The following SND1 variants were observed in gnomAD, a reference collection of about 807,000 sequenced individuals.
SND1 encodes the protein staphylococcal nuclease domain-containing protein 1.
SND1 carries 38 observed loss-of-function variants against 121.7 expected under a neutral mutation model. The ratio of observed to expected loss-of-function variants is 0.31; its 90% CI spans 0.24 to 0.41. The LOEUF is 0.41. Ranked by LOEUF, SND1 falls within the 10% of genes least tolerant of loss-of-function variation. The pLI is 1.00. For synonymous variants in SND1, 401 were observed against 447.4 expected, an observed-to-expected ratio of 0.90 and a Z score of 1.31; for missense variants, 868 against 1,184.6, an observed-to-expected ratio of 0.73 and a Z score of 3.92.
chr7:127,694,150 G>C (rs1795969538), intron 2 of SND1, among the ~76,000 whole-genome samples: 1 of 151,924 alleles, frequency 6.6e-6, no homozygotes, highest in South Asian at 2.1e-4. Flanking sequence ...AGCAGAAGTA[G>C]AAGAAGAGCC....
At chr7:127,857,844 G>A in intron 12 of SND1, 1 of 1,090,878 alleles carries the variant, frequency 9.2e-7, no homozygotes, top group Non-Finnish European at 1.4e-6. Flanking sequence ...GTCCCCAGCA[G>A]TCTCAGGTGT....
chr7:127,774,613 C>T (rs35971861), intron 10 of SND1, among the ~76,000 whole-genome samples: 49,760 of 149,534 alleles, frequency 0.33, 9,061 homozygotes, highest in Middle Eastern at 0.43. Flanking sequence ...GAGTCTTTCT[C>T]TGTCGCCCAG....
intron 10 of SND1, among the ~76,000 whole-genome samples, chr7:127,766,202 T>A (rs1445068902): frequency 6.6e-6 from 1 of 152,224 alleles, no homozygotes; most frequent in Non-Finnish European, 1.5e-5. Flanking sequence ...AAGCAAAGAC[T>A]AAGCTCTTAC....
chr7:127,825,411 CTTTT>C (rs746245449), intron 11 of SND1, among the ~76,000 whole-genome samples: 1 of 139,200 alleles, frequency 7.2e-6, no homozygotes, highest in Admixed American at 7.2e-5. Context: ...TCCTGGCCAC[CTTTT>C]TTTTTTTTTG....
rs62481452 is a variant in SND1, at chr7:127,964,477, A to G, written c.1670-26470A>G. On this transcript the variant is annotated intron_variant, in intron 15 of 23. Coordinates refer to ENST00000354725, the MANE Select transcript of SND1 (RefSeq NM_014390.4). The stretch of plus-strand genomic sequence containing the variant: ...CAGTTTCAGCTTTCTACATATGGCT[A>G]GCCAATTTTCCCAGCACCATTTATT... 4.2e-3 allele frequency among the ~76,000 whole-genome samples: 640 copies of G among 151,048 alleles called. 10 individuals are homozygous for G. Among genetic ancestry groups the G allele is most frequent in the Non-Finnish European group, 3.9e-3 (267 of 67,686 alleles).
At chr7:128,028,812 T>C in intron 16 of SND1, 1 of 1,614,184 alleles carries the variant, frequency 6.2e-7, no homozygotes, top group Non-Finnish European at 8.5e-7. Flanking sequence ...TGCTGGTTTG[T>C]AGGTGTTGTA....
chr7:127,807,983 G>A (rs751783086), intron 11 of SND1, among the ~76,000 whole-genome samples: 3 of 152,118 alleles, frequency 2.0e-5, no homozygotes, highest in Non-Finnish European at 4.4e-5. Context: ...CTGGCTATAA[G>A]GGGAAGAGGG....
chr7:127,986,420 A>G (rs1207604694), intron 15 of SND1, among the ~76,000 whole-genome samples: 1 of 152,172 alleles, frequency 6.6e-6, no homozygotes, highest in African/African-American at 2.4e-5. Flanking sequence ...GTGTCCAGAG[A>G]AGGCCTTGCA....
intron 15 of SND1, among the ~76,000 whole-genome samples, chr7:127,972,278 G>C (rs1426108232): frequency 6.6e-6 from 1 of 151,606 alleles, no homozygotes; most frequent in Admixed American, 6.6e-5. Context: ...GTTTTGTTTT[G>C]TTGAGACAGA....
At chr7:127,997,414 T>A (rs1802690174) in intron 16 of SND1, 3 of 309,080 alleles carry the variant, frequency 9.7e-6, no homozygotes, top group Non-Finnish European at 1.9e-5. Flanking sequence ...TGCAGAGGAA[T>A]TTGAAGAATT....
At chr7:127,675,598 C>T (rs1445140365) in intron 1 of SND1, among the ~76,000 whole-genome samples, 1 of 152,146 alleles carries the variant, frequency 6.6e-6, no homozygotes, top group Non-Finnish European at 1.5e-5. Context: ...AAAATGAACA[C>T]TGATCACTGC....
At chr7:127,749,566 T>C (rs1797047642) in intron 10 of SND1, among the ~76,000 whole-genome samples, 1 of 152,162 alleles carries the variant, frequency 6.6e-6, no homozygotes. Flanking sequence ...AAGGAAAAGA[T>C]ACAAGAACGT....
At chr7:127,917,477 G>A (rs1030140158) in intron 14 of SND1, among the ~76,000 whole-genome samples, 1 of 152,142 alleles carries the variant, frequency 6.6e-6, no homozygotes, top group African/African-American at 2.4e-5. Context: ...TCATATTAAT[G>A]TGTGGTTTTT....
chr7:127,872,559 G>A (rs904755732), intron 12 of SND1, among the ~76,000 whole-genome samples: 2 of 150,868 alleles, frequency 1.3e-5, no homozygotes, highest in Non-Finnish European at 3.0e-5. Flanking sequence ...ATTTAGATGA[G>A]GATTTTTTTT....
chr7:127,683,068 G>T lies in SND1; in HGVS notation c.79-3545G>T, dbSNP rs954331856. 4.6e-5 allele frequency among the ~76,000 whole-genome samples: 7 copies of T among 152,252 alleles called. No homozygotes were observed. In the East Asian group the frequency reaches 1.3e-3, roughly 29 times the overall value. ...TTTCTCATTGGTTTTATTTGGTGGCGACTGTTAGCTATAAGAAGGCCATTA... is the reference window on the plus strand; with the variant it reads ...TTTCTCATTGGTTTTATTTGGTGGCTACTGTTAGCTATAAGAAGGCCATTA... On this transcript the variant is annotated intron_variant, in intron 1 of 23. Coordinates refer to ENST00000354725, the MANE Select transcript of SND1 (RefSeq NM_014390.4).
intron 16 of SND1, among the ~76,000 whole-genome samples, chr7:128,006,800 G>A (rs969737656): frequency 2.0e-5 from 3 of 152,178 alleles, no homozygotes; most frequent in Non-Finnish European, 4.4e-5. Flanking sequence ...AGGGCTACCT[G>A]GAAGAGAACC....
chr7:127,720,295 A>G (rs1478253449), intron 9 of SND1, among the ~76,000 whole-genome samples: 3 of 152,218 alleles, frequency 2.0e-5, no homozygotes, highest in African/African-American at 4.8e-5. Context: ...GTAGCTCTTA[A>G]AGAGGCCCGA....
At chr7:127,809,506 G>A (rs1055824264) in intron 11 of SND1, among the ~76,000 whole-genome samples, 1 of 152,212 alleles carries the variant, frequency 6.6e-6, no homozygotes. Flanking sequence ...AGGCAGGGCA[G>A]TTGCTGCCTC....
chr7:127,677,524 C>G (rs541792872), intron 1 of SND1, among the ~76,000 whole-genome samples: 2 of 152,176 alleles, frequency 1.3e-5, no homozygotes, highest in African/African-American at 4.8e-5. Flanking sequence ...TCATCTCACT[C>G]GCTTGTCATA....
Sources: gnomAD v4.1 joint callset for allele counts (sites outside exome capture counted in the v4.1 genomes callset) on GRCh38, gnomAD v4.1.1 for gene constraint, MANE v1.5 for transcripts, NCBI Gene and HGNC (gene_info 2026-07-23, HGNC 2026-07-21) for gene names.